The following CACNA1C variants were observed in gnomAD, a reference collection of about 807,000 sequenced individuals.
CACNA1C encodes the protein calcium voltage-gated channel subunit alpha1 C, also known as voltage-dependent L-type calcium channel subunit alpha-1C.
In CACNA1C, 30 loss-of-function variants were observed where a neutral mutation model predicts 229.0. The observed-to-expected ratio is 0.13, with a 90% CI of 0.10 to 0.18. The LOEUF is 0.18. Among genes scored for constraint, CACNA1C ranks in the 10% least tolerant of loss-of-function variants. The probability of loss-of-function intolerance (pLI) is 1.00; values close to 1 mark genes in which losing one functional copy is unlikely to be tolerated. For missense variants in CACNA1C, 1,658 were observed against 2,845.0 expected, an observed-to-expected ratio of 0.58 and a Z score of 9.49; for synonymous variants, 1,114 against 1,132.5, an observed-to-expected ratio of 0.98 and a Z score of 0.33.
At chr12:2,362,501 A>G (rs1259721871) in intron 3 of CACNA1C, among the ~76,000 whole-genome samples, 1 of 152,102 alleles carries the variant, frequency 6.6e-6, no homozygotes, top group Admixed American at 6.5e-5. Flanking sequence ...GCTAATCCTC[A>G]ACATTGCACT....
chr12:2,080,484 C>T (rs1388519132), intron 1 of CACNA1C, among the ~76,000 whole-genome samples: 2 of 151,564 alleles, frequency 1.3e-5, no homozygotes, highest in Non-Finnish European at 2.9e-5. Flanking sequence ...GCCTGTAATC[C>T]CAGCTACTTG....
intron 1 of CACNA1C, among the ~76,000 whole-genome samples, chr12:2,091,547 A>G (rs1401750481): frequency 6.6e-6 from 1 of 152,180 alleles, no homozygotes; most frequent in African/African-American, 2.4e-5. Context: ...ACAATGTAGC[A>G]TCTTTTGCTC....
intron 9 of CACNA1C, among the ~76,000 whole-genome samples, chr12:2,526,537 G>A (rs550753988): frequency 3.3e-5 from 5 of 152,242 alleles, no homozygotes; most frequent in Admixed American, 1.3e-4. Context: ...GCTTTGAGCC[G>A]AAACTTGCAC....
At chr12:2,460,562 G>A (rs1360516083) in intron 5 of CACNA1C, among the ~76,000 whole-genome samples, 1 of 152,202 alleles carries the variant, frequency 6.6e-6, no homozygotes, top group African/African-American at 2.4e-5. Flanking sequence ...AATTTCCCGA[G>A]GACGGAGCCC....
chr12:2,376,903 C>T (rs73607724), intron 3 of CACNA1C, among the ~76,000 whole-genome samples: 162 of 152,308 alleles, frequency 1.1e-3, no homozygotes, highest in African/African-American at 3.5e-3. Context: ...AAAGCATGCT[C>T]GCTACGCCCA....
chr12:2,011,880 A>G (rs1193459370), intron 1 of CACNA1C, among the ~76,000 whole-genome samples: 6 of 152,216 alleles, frequency 3.9e-5, no homozygotes, highest in African/African-American at 1.4e-4. Flanking sequence ...CTCTCGCTGT[A>G]GATTGCTAAT....
rs1393481320 is a variant in CACNA1C at position 2,601,785 on chromosome 12, G to A, written c.2854-69G>A. The A allele has an allele frequency of 6.4e-6, 6 of 936,022 alleles. No homozygotes were observed. In the East Asian group the frequency reaches 1.4e-4, roughly 22 times the overall value. The allele number at this position is 936,022 out of a possible 1,614,324, so 58.0% of individuals were successfully genotyped here. ...CCAAGGGATGCTGTGGGAGGAAGGG[G>A]TGGTGTGAGGGGTCTCTGGGCTAGG... On this transcript the variant is annotated intron_variant, in intron 21 of 46. Transcript: ENST00000399655. The surrounding 1 kb of genome is among the most constrained non-coding windows in gnomAD (Gnocchi z 5.9).
intron 3 of CACNA1C, among the ~76,000 whole-genome samples, chr12:2,438,689 C>T (rs1467498620): frequency 6.6e-6 from 1 of 151,934 alleles, no homozygotes; most frequent in Non-Finnish European, 1.5e-5. Flanking sequence ...GAGGCTAGAT[C>T]CCATTTAAGG....
intron 9 of CACNA1C, among the ~76,000 whole-genome samples, chr12:2,543,676 A>AAG (rs2099876198): frequency 6.6e-6 from 1 of 152,214 alleles, no homozygotes; most frequent in Non-Finnish European, 1.5e-5. Flanking sequence ...GCAGTGCCCC[A>AAG]AAAGAAAGAT....
chr12:2,670,805 G>A (rs1451770131), intron 38 of CACNA1C, among the ~76,000 whole-genome samples: 1 of 151,486 alleles, frequency 6.6e-6, no homozygotes, highest in Non-Finnish European at 1.5e-5. Context: ...GTTGCAGTGA[G>A]CCGAGATCAC....
chr12:2,089,505 G>C (rs2154073203), intron 1 of CACNA1C, among the ~76,000 whole-genome samples: 1 of 152,304 alleles, frequency 6.6e-6, no homozygotes, highest in East Asian at 1.9e-4. Context: ...GAATAAAACA[G>C]GTTGTGATGA....
At position 2,504,848 on chromosome 12, in the gene CACNA1C, G is replaced by A; in HGVS notation, c.1120G>A (p.Asp374Asn). Residue 374 changes from aspartate (D) to asparagine (N), a missense_variant, in exon 8 of 47, where the codon GAT becomes AAT. Physicochemically the swap from Asp to Asn is conservative, Grantham distance 23. This residue lies in a region of CACNA1C where 84 missense variants were observed against 202.6 expected (regional missense o/e 0.41). Coordinates refer to ENST00000399655, the MANE Select transcript of CACNA1C (RefSeq NM_000719.7). This position sits in a 1 kb window ranked among gnomAD's most constrained non-coding sequence, Gnocchi z 6.8. ...TATCATTCCGTTCTTCCAGGTCAATGATGCCGTAGGAAGGGACTGGCCCTG... is the reference window on the plus strand; with the variant it reads ...TATCATTCCGTTCTTCCAGGTCAATAATGCCGTAGGAAGGGACTGGCCCTG... The part of the protein sequence containing the change: ...GWTDVLYWVN[D>N]AVGRDWPWIY... 2 of 1,570,446 alleles carry A rather than the reference G, an allele frequency of 1.3e-6. No homozygotes were observed. The highest frequency in any genetic ancestry group is 1.8e-6 in the Non-Finnish European group (2 of 1,140,508).
intron 3 of CACNA1C, among the ~76,000 whole-genome samples, chr12:2,216,134 G>C (rs977794377): frequency 6.6e-6 from 1 of 152,188 alleles, no homozygotes; most frequent in African/African-American, 2.4e-5. Context: ...AACTAGCTGG[G>C]AGTCTTGGGC....
rs906118236 is a variant in CACNA1C, at chr12:2,340,374, C to T, written c.478-108602C>T. Among the ~76,000 whole-genome samples, 10 of 152,358 alleles carry T rather than the reference C, an allele frequency of 6.6e-5. No homozygotes were observed. The East Asian group carries it at 1.9e-3, about 29-fold the overall frequency. ...AGCAGAATATGAAAGTTTCTGACTC[C>T]TCACACCCATGCCAACAGGCTGAGC... On this transcript the variant is annotated intron_variant, in intron 3 of 46. Coordinates refer to ENST00000399655, the MANE Select transcript of CACNA1C (RefSeq NM_000719.7).
rs550951459 is a variant in CACNA1C, at chr12:2,665,874, G to A, written c.4526+166G>A. Reference sequence around the variant, plus strand: ...GTCAAGGGCCAGCAGGAGGAGGCCCGGCACCTTCAATTAAGTCAAGAATGT... The same window carrying A: ...GTCAAGGGCCAGCAGGAGGAGGCCCAGCACCTTCAATTAAGTCAAGAATGT... On this transcript the variant is annotated intron_variant, in intron 36 of 46. Coordinates refer to ENST00000399655, the MANE Select transcript of CACNA1C (RefSeq NM_000719.7). This position sits in a 1 kb window ranked among gnomAD's most constrained non-coding sequence, Gnocchi z 5.9. Among the ~76,000 whole-genome samples the A allele has an allele frequency of 2.0e-4, 30 of 152,244 alleles. No individual in the cohort carries two copies. The highest frequency in any genetic ancestry group is 7.0e-4 in the African/African-American group (29 of 41,534).
rs563350534 is a variant in CACNA1C, at chr12:2,448,981, A to G, written c.483A>G (p.Arg161=). Residue 161 remains arginine, a synonymous_variant, in exon 4 of 47, where the codon CGA becomes CGG. Transcript: ENST00000399655. ...DSNATNSNLE[R]VEYLFLIIFT... ...TTTCTATTTCTGTTTCCTAGGAACG[A>G]GTGGAATATCTCTTTCTCATAATTT... is the stretch of plus-strand genomic sequence containing the variant. The G allele has an allele frequency of 2.5e-6, 4 of 1,607,748 alleles. No individual in the cohort carries two copies. Among genetic ancestry groups the G allele is most frequent in the South Asian group, 1.1e-5 (1 of 89,928 alleles).
intron 3 of CACNA1C, among the ~76,000 whole-genome samples, chr12:2,262,952 T>C (rs1276365284): frequency 6.6e-6 from 1 of 151,922 alleles, no homozygotes; most frequent in African/African-American, 2.4e-5. Flanking sequence ...TGCACTTTTG[T>C]GGGAAGAAGA....
intron 3 of CACNA1C, among the ~76,000 whole-genome samples, chr12:2,342,250 C>T (rs1424375272): frequency 4.6e-5 from 7 of 152,148 alleles, no homozygotes; most frequent in Admixed American, 3.3e-4. Flanking sequence ...GTCAGGGCAT[C>T]GTTCTGTTTG....
At chr12:2,003,644 C>T (rs981243581) in intron 1 of CACNA1C, among the ~76,000 whole-genome samples, 2 of 152,162 alleles carry the variant, frequency 1.3e-5, no homozygotes, top group Non-Finnish European at 2.9e-5. Flanking sequence ...AATAATTTGG[C>T]TCCCAAATGA....
Sources: gnomAD v4.1 joint callset for allele counts (sites outside exome capture counted in the v4.1 genomes callset) on GRCh38, gnomAD v4.1.1 for gene constraint, gnomAD v4.1.1 regional missense constraint, Gnocchi (gnomAD v3.1) non-coding constraint, MANE v1.5 for transcripts, NCBI Gene and HGNC (gene_info 2026-07-23, HGNC 2026-07-21) for gene names.